The following GALNT7 variants were observed in gnomAD, a reference collection of about 807,000 sequenced individuals.
GALNT7 encodes the protein polypeptide N-acetylgalactosaminyltransferase 7, also known as N-acetylgalactosaminyltransferase 7.
In GALNT7, 60 loss-of-function variants were observed where a neutral mutation model predicts 82.1. The observed-to-expected ratio is 0.73, with a 90% CI of 0.59 to 0.91. The LOEUF (loss-of-function observed/expected upper bound fraction) is 0.91, where lower values mean the gene tolerates loss of function less well. Ranked by LOEUF, GALNT7 falls within the 40% of genes least tolerant of loss-of-function variation. GALNT7 has a pLI of 0.00. For synonymous variants in GALNT7, 243 were observed against 275.1 expected, an observed-to-expected ratio of 0.88 and a Z score of 1.15; for missense variants, 660 against 804.2, an observed-to-expected ratio of 0.82 and a Z score of 2.17.
intron 1 of GALNT7, among the ~76,000 whole-genome samples, chr4:173,191,035 T>C (rs1264769977): frequency 6.6e-6 from 1 of 151,724 alleles, no homozygotes; most frequent in East Asian, 1.9e-4. Context: ...AGGTAGGTCT[T>C]ACAATGGGCA....
At chr4:173,236,612 C>T (rs1027820424) in intron 1 of GALNT7, among the ~76,000 whole-genome samples, 2 of 152,146 alleles carry the variant, frequency 1.3e-5, no homozygotes, top group African/African-American at 2.4e-5. Context: ...TCTGTTATAG[C>T]AAATGATTTG....
chr4:173,214,023 C>T (rs941779040), intron 1 of GALNT7, among the ~76,000 whole-genome samples: 3 of 152,120 alleles, frequency 2.0e-5, no homozygotes, highest in African/African-American at 4.8e-5. Flanking sequence ...TACCAACATA[C>T]ATTTCACTTT....
chr4:173,221,723 A>G (rs12644699), intron 1 of GALNT7, among the ~76,000 whole-genome samples: 38,009 of 152,138 alleles, frequency 0.25, 5,356 homozygotes, highest in Admixed American at 0.34. Context: ...GAGAAAGTTA[A>G]AAGGCAGATA....
At chr4:173,321,106 T>C (rs1349523095) in intron 11 of GALNT7, among the ~76,000 whole-genome samples, 1 of 152,136 alleles carries the variant, frequency 6.6e-6, no homozygotes, top group Non-Finnish European at 1.5e-5. Flanking sequence ...CTGAGCTATA[T>C]TGAAGAAACC....
chr4:173,183,285 T>G (rs1373430359), intron 1 of GALNT7, among the ~76,000 whole-genome samples: 1 of 152,018 alleles, frequency 6.6e-6, no homozygotes, highest in Non-Finnish European at 1.5e-5. Context: ...GCTGCACTTT[T>G]TTTTTTTTTT....
chr4:173,293,910 A>G (rs1736626188), intron 3 of GALNT7, among the ~76,000 whole-genome samples: 1 of 152,192 alleles, frequency 6.6e-6, no homozygotes, highest in Non-Finnish European at 1.5e-5. Context: ...TATGCGTGTG[A>G]CTGATGTCAT....
At chr4:173,219,340 G>A (rs1733566583) in intron 1 of GALNT7, among the ~76,000 whole-genome samples, 1 of 152,050 alleles carries the variant, frequency 6.6e-6, no homozygotes, top group South Asian at 2.1e-4. Flanking sequence ...CATGGTGTGT[G>A]TGTGTGTGTG....
intron 1 of GALNT7, among the ~76,000 whole-genome samples, chr4:173,229,672 T>G (rs1037283843): frequency 2.0e-5 from 3 of 152,168 alleles, no homozygotes; most frequent in Non-Finnish European, 4.4e-5. Flanking sequence ...GGTATCTAGC[T>G]CAAAGAGTTG....
At chr4:173,312,402 G>A (rs1379063559) in intron 8 of GALNT7, among the ~76,000 whole-genome samples, 1 of 152,210 alleles carries the variant, frequency 6.6e-6, no homozygotes, top group Non-Finnish European at 1.5e-5. Flanking sequence ...CATGGCGAGA[G>A]AGGAAGCAAG....
chr4:173,178,052 T>TGTGTGTGTGCGCGCGCGCGCGCGCGCGC (rs563102408), intron 1 of GALNT7, among the ~76,000 whole-genome samples: 1 of 129,510 alleles, frequency 7.7e-6, no homozygotes, highest in African/African-American at 3.1e-5. Context: ...TGTGTGTGTG[T>TGTGTGTGTGCGCGCGCGCGCGCGCGCGC]GCGCGCACGC....
intron 8 of GALNT7, among the ~76,000 whole-genome samples, chr4:173,305,001 C>T (rs760209456): frequency 6.6e-6 from 1 of 151,778 alleles, no homozygotes; most frequent in Non-Finnish European, 1.5e-5. Flanking sequence ...GATACCTCTT[C>T]GATATACAGA....
intron 1 of GALNT7, among the ~76,000 whole-genome samples, chr4:173,226,715 G>C (rs1037953645): frequency 1.3e-5 from 2 of 152,086 alleles, no homozygotes; most frequent in Admixed American, 1.3e-4. Context: ...AGAGAAACAC[G>C]TCCACCTCCT....
intron 2 of GALNT7, among the ~76,000 whole-genome samples, chr4:173,265,544 A>G (rs1735450362): frequency 6.6e-6 from 1 of 151,788 alleles, no homozygotes; most frequent in Non-Finnish European, 1.5e-5. Context: ...GTAAGCAGCA[A>G]GTACATGCTA....
chr4:173,229,441 A>T (rs1393492124), intron 1 of GALNT7, among the ~76,000 whole-genome samples: 1 of 152,194 alleles, frequency 6.6e-6, no homozygotes, highest in Non-Finnish European at 1.5e-5. Context: ...GATAACTATC[A>T]ATTTATTTAG....
chr4:173,197,148 C>T (rs564677768), intron 1 of GALNT7, among the ~76,000 whole-genome samples: 2 of 147,626 alleles, frequency 1.4e-5, no homozygotes, highest in South Asian at 4.3e-4. Context: ...TACCTAATTC[C>T]ATGAATGCCT....
intron 1 of GALNT7, among the ~76,000 whole-genome samples, chr4:173,224,934 G>A (rs1426631038): frequency 6.6e-6 from 1 of 151,680 alleles, no homozygotes; most frequent in African/African-American, 2.4e-5. Flanking sequence ...AGAATGGTGT[G>A]AACCCGGGAG....
intron 1 of GALNT7, among the ~76,000 whole-genome samples, chr4:173,247,371 G>C (rs1286960830): frequency 6.7e-6 from 1 of 149,920 alleles, no homozygotes; most frequent in Non-Finnish European, 1.5e-5. Flanking sequence ...TGGTTTAAAA[G>C]CCCGAGCTGA....
At chr4:173,282,611 C>T (rs1736154170) in intron 2 of GALNT7, 1 of 152,184 alleles carries the variant, frequency 6.6e-6, no homozygotes, top group Non-Finnish European at 1.5e-5. Flanking sequence ...GTGTGAGGAA[C>T]AGCAGCTAGG....
In GALNT7 at chr4:173,323,336, C is replaced by T. The variant is rs1737890009; in HGVS notation, c.*1619C>T. The T allele has an allele frequency of 6.6e-6, 1 of 152,508 alleles. No individual in the cohort carries two copies. The highest frequency in any genetic ancestry group is 2.4e-5 in the African/African-American group (1 of 41,428). 9.4% of individuals were successfully genotyped at this position (152,508 alleles called of 1,614,324 possible). A position where few individuals can be genotyped will look rare whatever the true frequency, so the allele number is the denominator to read the frequency against. On this transcript the variant is annotated 3_prime_UTR_variant, in exon 12 of 12. Transcript: ENST00000265000. ...AATTTGGAGACTCAAAGTTAAACAT[C>T]CTCAACAGAGTTTTATTTATAATTT...
Sources: gnomAD v4.1 joint callset for allele counts (sites outside exome capture counted in the v4.1 genomes callset) on GRCh38, gnomAD v4.1.1 for gene constraint, MANE v1.5 for transcripts, NCBI Gene and HGNC (gene_info 2026-07-23, HGNC 2026-07-21) for gene names.